MEGF11: variants seen among roughly 807,000 people sequenced by gnomAD.
The protein encoded by MEGF11 is multiple EGF like domains 11.
MEGF11 carries 126 observed loss-of-function variants against 146.6 expected under a neutral mutation model. That is an observed-to-expected ratio of 0.86 (90% CI 0.74 to 1.00). MEGF11 has a LOEUF of 1.00. MEGF11 is among the 50% of genes least tolerant of loss of function. The probability of loss-of-function intolerance (pLI) is 0.00; values close to 1 mark genes in which losing one functional copy is unlikely to be tolerated. For missense variants in MEGF11, 1,509 were observed against 1,521.2 expected (o/e 0.99, Z 0.13); for synonymous variants, 532 against 583.4 (o/e 0.91, Z 1.27).
At chr15:66,124,036 C>T (rs2088200051) in intron 2 of MEGF11, 36 bp from the exon 3 acceptor site, 1 of 1,539,858 alleles carries the variant, frequency 6.5e-7, no homozygotes, top group South Asian at 1.1e-5. Context: ...CCATGATTAG[C>T]ACTTGGGAAG....
intron 10 of MEGF11, among the ~76,000 whole-genome samples, chr15:65,947,186 C>T (rs1047480654): frequency 1.3e-5 from 2 of 152,144 alleles, no homozygotes; most frequent in Non-Finnish European, 2.9e-5. Context: ...GCAGGAATCC[C>T]TTCCCCTCCT....
chr15:66,095,438 T>TTTTTG (rs1171414153), intron 4 of MEGF11, among the ~76,000 whole-genome samples: 10 of 152,248 alleles, frequency 6.6e-5, no homozygotes, highest in South Asian at 4.2e-4. Context: ...TCTAGATGGT[T>TTTTTG]TTTTGTTTTG....
intron 5 of MEGF11, among the ~76,000 whole-genome samples, chr15:66,016,501 GAAGC>G (rs1369975307): frequency 8.8e-5 from 5 of 57,102 alleles, no homozygotes; most frequent in African/African-American, 3.4e-4. Context: ...TTTTTTTTTG[GAAGC>G]AAGGAGTTAA....
At chr15:66,061,395 ACGT>A (rs2084901207) in intron 5 of MEGF11, among the ~76,000 whole-genome samples, 1 of 152,096 alleles carries the variant, frequency 6.6e-6, no homozygotes, top group South Asian at 2.1e-4. Context: ...TGACCCCCAC[ACGT>A]CAGACTTAGC....
At chr15:65,951,524 TA>T (rs1218064922) in intron 10 of MEGF11, among the ~76,000 whole-genome samples, 2 of 151,512 alleles carry the variant, frequency 1.3e-5, no homozygotes, top group Non-Finnish European at 2.9e-5. Context: ...CCGTCTCTAC[TA>T]AAAATACAAA....
At chr15:65,942,348 G>T (rs900064258) in intron 10 of MEGF11, among the ~76,000 whole-genome samples, 2 of 152,158 alleles carry the variant, frequency 1.3e-5, no homozygotes, top group Non-Finnish European at 2.9e-5. Context: ...GGCTTATGGG[G>T]GCTTATGGAG....
rs569286608 is a variant in MEGF11, at chr15:66,216,985, G to A, written c.-9+36620C>T. Among the ~76,000 whole-genome samples the A allele has an allele frequency of 4.6e-5, 7 of 152,376 alleles. No homozygotes were observed. The East Asian group carries it at 1.3e-3, about 29-fold the overall frequency. The stretch of plus-strand genomic sequence containing the variant: ...GCAATTCTGCAGGGCCTTCTCCAGA[G>A]CACCCCATGGGACTGGCCGAGGCCT... On this transcript the variant is annotated intron_variant, in intron 1 of 25. Coordinates refer to ENST00000395614, the MANE Select transcript of MEGF11 (RefSeq NM_001385028.1).
intron 1 of MEGF11, among the ~76,000 whole-genome samples, chr15:66,187,600 T>G (rs2090744386): frequency 6.6e-6 from 1 of 152,184 alleles, no homozygotes; most frequent in South Asian, 2.1e-4. Flanking sequence ...TCTTGTGTAC[T>G]CACACGCAAA....
intron 10 of MEGF11, among the ~76,000 whole-genome samples, chr15:65,950,584 G>GACACAC (rs57977250): frequency 1.0e-3 from 150 of 148,932 alleles, no homozygotes; most frequent in African/African-American, 3.1e-3. Context: ...TAGACACACA[G>GACACAC]ACACACACAC....
chr15:65,977,338 A>G (rs1448666582), intron 7 of MEGF11, among the ~76,000 whole-genome samples: 1 of 152,042 alleles, frequency 6.6e-6, no homozygotes, highest in Non-Finnish European at 1.5e-5. Context: ...GGACACCCTC[A>G]ATGGACAGTG....
chr15:65,948,267 A>C (rs990803242), intron 10 of MEGF11, among the ~76,000 whole-genome samples: 1 of 151,924 alleles, frequency 6.6e-6, no homozygotes, highest in African/African-American at 2.4e-5. Context: ...GCTCTGTTAC[A>C]ATATGCTGTG....
At chr15:66,123,823 T>C (rs1722853500) in intron 3 of MEGF11, 76 bp downstream of exon 3, 2 of 1,260,028 alleles carry the variant, frequency 1.6e-6, no homozygotes, top group African/African-American at 2.9e-5. Flanking sequence ...CAGCGGCCTT[T>C]TTCTAACTTG....
At chr15:66,028,737 G>A (rs942303443) in intron 5 of MEGF11, among the ~76,000 whole-genome samples, 12 of 152,152 alleles carry the variant, frequency 7.9e-5, no homozygotes, top group African/African-American at 2.7e-4. Flanking sequence ...TGAAAACTAT[G>A]TTATGTGGAA....
chr15:65,981,046 C>T (rs969663606), intron 6 of MEGF11, 148 bp from the exon 7 acceptor site: 2 of 1,073,508 alleles, frequency 1.9e-6, no homozygotes, highest in Non-Finnish European at 2.6e-6. Flanking sequence ...TGCTCCCTGC[C>T]AGGAGGGGGA....
chr15:66,141,402 A>G (rs1041885536), intron 1 of MEGF11, among the ~76,000 whole-genome samples: 1 of 151,930 alleles, frequency 6.6e-6, no homozygotes, highest in African/African-American at 2.4e-5. Flanking sequence ...TTGTGAGAAA[A>G]GAGAAGACGA....
chr15:66,244,857 T>C (rs937520542), intron 1 of MEGF11, among the ~76,000 whole-genome samples: 3 of 152,188 alleles, frequency 2.0e-5, no homozygotes, highest in Admixed American at 1.3e-4. Context: ...AAGTGCTGTG[T>C]GCTTGCTGGC....
chr15:66,236,251 C>T (rs1012668488), intron 1 of MEGF11, among the ~76,000 whole-genome samples: 24 of 152,146 alleles, frequency 1.6e-4, no homozygotes, highest in African/African-American at 5.8e-4. Context: ...GCATCAAGTG[C>T]AAGGTGGATT....
intron 4 of MEGF11, among the ~76,000 whole-genome samples, chr15:66,115,748 C>T (rs1205831296): frequency 1.3e-5 from 2 of 152,212 alleles, no homozygotes; most frequent in Non-Finnish European, 2.9e-5. Context: ...GAGCTCTAAT[C>T]CACTATGACG....
chr15:66,023,152 A>AAAAAAAC (rs1471300258), intron 5 of MEGF11, among the ~76,000 whole-genome samples: 21 of 143,158 alleles, frequency 1.5e-4, no homozygotes, highest in African/African-American at 5.4e-4. Context: ...AAAAAAAAAA[A>AAAAAAAC]AAACAAACTT....
Sources: allele counts gnomAD v4.1 joint callset (sites outside exome capture counted in the v4.1 genomes callset), GRCh38; gene constraint gnomAD v4.1.1; transcripts MANE v1.5; gene names NCBI Gene and HGNC (gene_info 2026-07-23, HGNC 2026-07-21).